The following PNPLA6 variants were observed in gnomAD, a reference collection of about 807,000 sequenced individuals.
PNPLA6 encodes the protein patatin-like phospholipase domain-containing protein 6.
In PNPLA6, 105 loss-of-function variants were observed where a neutral mutation model predicts 153.7. The ratio of observed to expected loss-of-function variants is 0.68; its 90% confidence interval spans 0.58 to 0.80. PNPLA6 has a LOEUF of 0.80. PNPLA6 is among the 30% of genes least tolerant of loss of function. The probability of loss-of-function intolerance (pLI) is 0.00; values close to 1 mark genes in which losing one functional copy is unlikely to be tolerated. For missense variants in PNPLA6, 1,423 were observed against 1,919.3 expected (o/e 0.74, Z 4.83); for synonymous variants, 825 against 822.2 (o/e 1.00, Z -0.06).
In PNPLA6 at chr19:7,542,754, C is replaced by T. The variant is rs767541631; in HGVS notation, c.1363-7C>T. The T allele has an allele frequency of 6.2e-7, 1 of 1,612,944 alleles. No individual in the cohort carries two copies. Among genetic ancestry groups the T allele is most frequent in the South Asian group, 1.1e-5 (1 of 91,082 alleles). ...GCATCAGGAGGTCACAAGCCTGCCC[C>T]ACTCAGACCCCCACTCAGGAGCCTC... On this transcript the variant is annotated splice_region_variant and splice_polypyrimidine_tract_variant and intron_variant, in intron 11 of 31. Coordinates refer to ENST00000600737, the MANE Select transcript of PNPLA6 (RefSeq NM_001166114.2).
Position 7,555,543 on chromosome 19 carries a change from G to C in PNPLA6, c.2937-64G>C, listed in dbSNP as rs1161827249. 1.3e-6 allele frequency: 2 copies of C among 1,566,050 alleles called. No homozygotes were observed. Among genetic ancestry groups the C allele is most frequent in the Non-Finnish European group, 1.7e-6 (2 of 1,146,626 alleles). ...TTAGCAGTGCGGGAGGTGGGAGGAG[G>C]TAGGGGCAGGGGAGTTCCTGCAGGT... On this transcript the variant is annotated intron_variant, in intron 23 of 31. Coordinates refer to ENST00000600737, the MANE Select transcript of PNPLA6 (RefSeq NM_001166114.2). The surrounding 1 kb of genome is among the most constrained non-coding windows in gnomAD (Gnocchi z 6.3).
At chr19:7,545,071 G>T (rs960701346) in intron 13 of PNPLA6, among the ~76,000 whole-genome samples, 1 of 151,874 alleles carries the variant, frequency 6.6e-6, no homozygotes, top group Admixed American at 6.6e-5. Context: ...CTGTCGCCCA[G>T]GCTGGAGCGC....
chr19:7,541,842 G>A lies in PNPLA6; in HGVS notation c.1169-142G>A, dbSNP rs1198338234. 7.2e-6 allele frequency: 8 copies of A among 1,115,810 alleles called. No homozygotes were observed. Among genetic ancestry groups the A allele is most frequent in the South Asian group, 1.3e-5 (1 of 76,904 alleles). 69.1% of individuals were successfully genotyped at this position (1,115,810 alleles called of 1,614,324 possible). A position where few individuals can be genotyped will look rare whatever the true frequency, so the allele number is the denominator to read the frequency against. Reference sequence around the variant, plus strand: ...CCAGGTCTGACTCCTATCTGGTACCGAGGAAGCTGTGGCCTCGTCCCCAAG... The same window carrying A: ...CCAGGTCTGACTCCTATCTGGTACCAAGGAAGCTGTGGCCTCGTCCCCAAG... On this transcript the variant is annotated intron_variant, in intron 9 of 31. Transcript: ENST00000600737. The surrounding 1 kb of genome is among the most constrained non-coding windows in gnomAD (Gnocchi z 5.2).
chr19:7,558,717 T>G, intron 27 of PNPLA6, 133 bp from the exon 28 acceptor site: 2 of 665,548 alleles, frequency 3.0e-6, no homozygotes, highest in Non-Finnish European at 5.3e-6. Context: ...GACAGCATGG[T>G]GTTTGCATGT....
chr19:7,555,909 T>G lies in PNPLA6; in HGVS notation c.3093+146T>G. 4.7e-6 allele frequency: 4 copies of G among 849,188 alleles called. No individual in the cohort carries two copies. Among genetic ancestry groups the G allele is most frequent in the South Asian group, 1.5e-5 (1 of 68,040 alleles). The allele number at this position is 849,188 out of a possible 1,614,324, so 52.6% of individuals were successfully genotyped here. ...TGATCCCCAGCTGTCCGGACTTTTA[T>G]AGATAAGCTTCTAGGACTCTGGGTA... On this transcript the variant is annotated intron_variant, in intron 24 of 31. Coordinates refer to ENST00000600737, the MANE Select transcript of PNPLA6 (RefSeq NM_001166114.2). The surrounding 1 kb of genome is among the most constrained non-coding windows in gnomAD (Gnocchi z 6.3).
chr19:7,555,088 C>T lies in PNPLA6; in HGVS notation c.2817+13C>T, dbSNP rs780873631. 11 of 1,590,982 alleles carry T rather than the reference C, an allele frequency of 6.9e-6. No homozygotes were observed. Among genetic ancestry groups the T allele is most frequent in the Non-Finnish European group, 9.3e-6 (11 of 1,176,784 alleles). On this transcript the variant is annotated intron_variant, in intron 22 of 31. Coordinates refer to ENST00000600737, the MANE Select transcript of PNPLA6 (RefSeq NM_001166114.2). This position sits in a 1 kb window ranked among gnomAD's most constrained non-coding sequence, Gnocchi z 6.3. ...CCCTGCCAAGCTGGTGAGGAGCGGGCCGGCCCCCACCTTCTAGGGGCGTGG... is the reference window on the plus strand; with the variant it reads ...CCCTGCCAAGCTGGTGAGGAGCGGGTCGGCCCCCACCTTCTAGGGGCGTGG...
In PNPLA6 at chr19:7,540,900, C is replaced by T; in HGVS notation, c.796-23C>T. 6.2e-7 allele frequency: 1 copy of T among 1,613,014 alleles called. No homozygotes were observed. The highest frequency in any genetic ancestry group is 8.5e-7 in the Non-Finnish European group (1 of 1,179,898). ...ACTCGCAGCCTCTGCCCTTGTCTCT[C>T]TTCACGCCCTCCCCTCCCCCAGGGT... On this transcript the variant is annotated intron_variant, in intron 6 of 31. Coordinates refer to ENST00000600737, the MANE Select transcript of PNPLA6 (RefSeq NM_001166114.2). The surrounding 1 kb of genome is among the most constrained non-coding windows in gnomAD (Gnocchi z 6.8).
At chr19:7,560,627 C>A in intron 28 of PNPLA6, 21 bp from the exon 29 acceptor site, 2 of 1,532,484 alleles carry the variant, frequency 1.3e-6, no homozygotes, top group Non-Finnish European at 1.8e-6. Context: ...AGACATGGAC[C>A]CAGCCCCTCA....
intron 2 of PNPLA6, 44 bp downstream of exon 2, chr19:7,536,317 C>T (rs1351283949): frequency 2.0e-6 from 3 of 1,502,722 alleles, no homozygotes; most frequent in Admixed American, 3.3e-5. Flanking sequence ...ACACAGAGGC[C>T]GCGCCCCTTC....
rs779072561 is a variant in PNPLA6, at chr19:7,550,059, G to T, written c.1761G>T (p.Leu587=). Residue 587 remains leucine, a synonymous_variant, in exon 14 of 32, where the codon CTG becomes CTT. Coordinates refer to ENST00000600737, the MANE Select transcript of PNPLA6 (RefSeq NM_001166114.2). ...VLTGEPLIFT[L]RAQRDCTFLR... ...CTGGCGAACCTCTCATCTTCACACT[G>T]CGAGCCCAACGCGACTGCACCTTCC... is the stretch of plus-strand genomic sequence containing the variant. 17 of 1,614,078 alleles carry T rather than the reference G, an allele frequency of 1.1e-5. No homozygotes were observed. Among genetic ancestry groups the T allele is most frequent in the Non-Finnish European group, 1.4e-5 (16 of 1,180,042 alleles).
At chr19:7,534,169 G>A, upstream of PNPLA6, 1 of 380,984 alleles carries the variant, frequency 2.6e-6, no homozygotes, top group African/African-American at 2.1e-5. Flanking sequence ...AATTTAAAGG[G>A]GCCGTGCCTG....
At position 7,541,263 on chromosome 19, in the gene PNPLA6, G is replaced by A. The variant is rs2023124540; in HGVS notation, c.925-91G>A. The A allele has an allele frequency of 8.1e-7, 1 of 1,237,448 alleles. No homozygotes were observed. Among genetic ancestry groups the A allele is most frequent in the Admixed American group, 1.9e-5 (1 of 51,802 alleles). The allele number at this position is 1,237,448 out of a possible 1,614,324, so 76.7% of individuals were successfully genotyped here. ...GTGGGTCTCTCCCTGGTTCCCGCCC[G>A]ACCCCTTATGCTGCGAACTAGCCCG... On this transcript the variant is annotated intron_variant, in intron 7 of 31. Transcript: ENST00000600737. This position sits in a 1 kb window ranked among gnomAD's most constrained non-coding sequence, Gnocchi z 5.2.
intron 13 of PNPLA6, among the ~76,000 whole-genome samples, chr19:7,543,738 C>T (rs1015558759): frequency 6.6e-6 from 1 of 152,116 alleles, no homozygotes; most frequent in Non-Finnish European, 1.5e-5. Flanking sequence ...AAGTTCTCTG[C>T]TTCCTCATCA....
Position 7,555,572 on chromosome 19 carries a change from G to T in PNPLA6, c.2937-35G>T. 1 of 1,608,234 alleles carries T rather than the reference G, an allele frequency of 6.2e-7. No homozygotes were observed. The highest frequency in any genetic ancestry group is 8.5e-7 in the Non-Finnish European group (1 of 1,177,670). The stretch of plus-strand genomic sequence containing the variant: ...GGGCAGGGGAGTTCCTGCAGGTGGG[G>T]CCTAGCGGGTCACTGGGGCCCATTT... On this transcript the variant is annotated intron_variant, in intron 23 of 31. Transcript: ENST00000600737. The surrounding 1 kb of genome is among the most constrained non-coding windows in gnomAD (Gnocchi z 6.3).
chr19:7,559,214 GC>G, intron 28 of PNPLA6, 63 bp downstream of exon 28: 1 of 1,419,174 alleles, frequency 7.0e-7, no homozygotes, highest in Non-Finnish European at 1.0e-6. Flanking sequence ...GCTACTTAAA[GC>G]CCAGAGTGGT....
chr19:7,541,994 G>A lies in PNPLA6; in HGVS notation c.1179G>A (p.Val393=). 6.2e-7 allele frequency: 1 copy of A among 1,608,374 alleles called. No homozygotes were observed. Among genetic ancestry groups the A allele is most frequent in the Non-Finnish European group, 8.5e-7 (1 of 1,179,790 alleles). ...ATGTGTCTCCCCCAGGGGACCCTGT[G>A]AAGCCCACATCCCTGGAAACCCCCT... ...APLPGPTGDP[V]KPTSLETPSA... is the part of the protein sequence containing the mutation. Residue 393 remains valine, a synonymous_variant, in exon 10 of 32, where the codon GTG becomes GTA. Coordinates refer to ENST00000600737, the MANE Select transcript of PNPLA6 (RefSeq NM_001166114.2). The surrounding 1 kb of genome is among the most constrained non-coding windows in gnomAD (Gnocchi z 5.2).
Position 7,559,133 on chromosome 19 carries a change from G to A in PNPLA6, c.3681G>A (p.Gly1227=), listed in dbSNP as rs1324302041. 1.9e-6 allele frequency: 3 copies of A among 1,614,194 alleles called. No homozygotes were observed. ...PIDCFKTMDF[G]KFDQIYDVGY... is the part of the protein sequence containing the mutation. ...ACTGCTTCAAGACCATGGACTTTGG[G>A]AAGTTCGACCAGATCTATGTGAGTG... The change falls in exon 28 of 32, where the codon GGG becomes GGA. Residue 1227 remains glycine (G), a synonymous_variant. Transcript: ENST00000600737.
chr19:7,546,400 G>A (rs558340200), intron 13 of PNPLA6, among the ~76,000 whole-genome samples: 10 of 152,236 alleles, frequency 6.6e-5, no homozygotes, highest in African/African-American at 1.4e-4. Flanking sequence ...AGGCCGCGGC[G>A]GGAGGATCTC....
chr19:7,548,215 G>C (rs2023471522), intron 13 of PNPLA6, among the ~76,000 whole-genome samples: 1 of 151,774 alleles, frequency 6.6e-6, no homozygotes, highest in Non-Finnish European at 1.5e-5. Flanking sequence ...CGTGTGGCAG[G>C]CACCTTTAAT....
Sources: allele counts gnomAD v4.1 joint callset (sites outside exome capture counted in the v4.1 genomes callset), GRCh38; gene constraint gnomAD v4.1.1; non-coding constraint Gnocchi (gnomAD v3.1); transcripts MANE v1.5; gene names NCBI Gene and HGNC (gene_info 2026-07-23, HGNC 2026-07-21).